Variants in MEGF9 observed in about 807,000 individuals in gnomAD.
MEGF9 encodes multiple epidermal growth factor-like domains protein 9.
A neutral mutation model predicts 46.8 loss-of-function variants in MEGF9; 6 were observed. The ratio of observed to expected loss-of-function variants is 0.13; its 90% CI spans 0.07 to 0.25. The LOEUF is 0.25. Among genes scored for constraint, MEGF9 ranks in the 10% least tolerant of loss-of-function variants. The probability of loss-of-function intolerance (pLI) is 1.00; values close to 1 mark genes in which losing one functional copy is unlikely to be tolerated. For missense variants in MEGF9, 683 were observed against 792.4 expected, an observed-to-expected ratio of 0.86 and a Z score of 1.66; for synonymous variants, 302 against 330.7, an observed-to-expected ratio of 0.91 and a Z score of 0.94.
chr9:120,636,911 G>A (rs189831183), intron 2 of MEGF9, among the ~76,000 whole-genome samples: 2,409 of 151,940 alleles, frequency 0.016, 40 homozygotes, highest in Non-Finnish European at 0.026. Context: ...CCCTCTGCCC[G>A]GCCGCCACCC....
chr9:120,677,244 T>C (rs1323521323), intron 1 of MEGF9, among the ~76,000 whole-genome samples: 1 of 151,932 alleles, frequency 6.6e-6, no homozygotes, highest in Non-Finnish European at 1.5e-5. Context: ...TCCTCCCACC[T>C]CAGCTTCCCA....
chr9:120,633,949 CTGATA>C (rs2043561283), intron 2 of MEGF9, among the ~76,000 whole-genome samples: 1 of 152,020 alleles, frequency 6.6e-6, no homozygotes, highest in Admixed American at 6.6e-5. Context: ...GAAAAGATAC[CTGATA>C]TAATATTAAT....
At chr9:120,673,882 A>T (rs1457615081) in intron 1 of MEGF9, among the ~76,000 whole-genome samples, 3 of 151,194 alleles carry the variant, frequency 2.0e-5, no homozygotes, top group Non-Finnish European at 2.9e-5. Flanking sequence ...AGACGGGAGA[A>T]TCACTTGAAC....
At chr9:120,613,826 CAA>C (rs2043459530) in intron 3 of MEGF9, among the ~76,000 whole-genome samples, 1 of 152,028 alleles carries the variant, frequency 6.6e-6, no homozygotes, top group South Asian at 2.1e-4. Context: ...TGACATTTTA[CAA>C]AGTAAGCTAA....
At chr9:120,670,957 C>T (rs1386091592) in intron 1 of MEGF9, among the ~76,000 whole-genome samples, 1 of 152,198 alleles carries the variant, frequency 6.6e-6, no homozygotes, top group East Asian at 1.9e-4. Flanking sequence ...AACAAAAATA[C>T]AGACTGCCTC....
At chr9:120,702,346 A>T (rs2043909334) in intron 1 of MEGF9, among the ~76,000 whole-genome samples, 1 of 152,210 alleles carries the variant, frequency 6.6e-6, no homozygotes, top group Non-Finnish European at 1.5e-5. Flanking sequence ...ATCTGACTTG[A>T]TCTTATATAA....
At chr9:120,614,396 T>A (rs958618977) in intron 3 of MEGF9, among the ~76,000 whole-genome samples, 2 of 152,214 alleles carry the variant, frequency 1.3e-5, no homozygotes, top group Non-Finnish European at 2.9e-5. Context: ...TAAATCAAAC[T>A]TGTATGTAAA....
rs149390071 is a variant in MEGF9 at position 120,608,247 on chromosome 9, TATTA to T, written c.1088-241_1088-238del. 7.6e-4 allele frequency among the ~76,000 whole-genome samples: 116 copies of T among 152,288 alleles called. 1 individual carries two copies. Among genetic ancestry groups the T allele is most frequent in the Non-Finnish European group, 1.5e-3 (99 of 68,032 alleles). On this transcript the variant is annotated intron_variant, in intron 4 of 5. Coordinates refer to ENST00000373930, the MANE Select transcript of MEGF9 (RefSeq NM_001080497.3). ...CTCTCTAGAGACATATAATAATCTC[TATTA>T]ATTAATTAAACTAATAATCTATAAT...
intron 1 of MEGF9, among the ~76,000 whole-genome samples, chr9:120,672,672 G>A (rs187228469): frequency 3.9e-5 from 6 of 152,170 alleles, no homozygotes; most frequent in African/African-American, 1.4e-4. Flanking sequence ...TAACATGAAA[G>A]CTTATGTAGA....
intron 1 of MEGF9, among the ~76,000 whole-genome samples, chr9:120,690,795 T>C (rs138699251): frequency 2.3e-4 from 35 of 152,138 alleles, no homozygotes; most frequent in Non-Finnish European, 3.2e-4. Flanking sequence ...TAGCTAAAAA[T>C]TAGGATAGGA....
intron 2 of MEGF9, among the ~76,000 whole-genome samples, chr9:120,635,868 C>A (rs1351468647): frequency 6.6e-6 from 1 of 152,116 alleles, no homozygotes; most frequent in Non-Finnish European, 1.5e-5. Flanking sequence ...TTGGTGGCAA[C>A]CTATTTCCAT....
At chr9:120,684,722 G>C (rs1233183410) in intron 1 of MEGF9, among the ~76,000 whole-genome samples, 3 of 152,080 alleles carry the variant, frequency 2.0e-5, no homozygotes, top group Admixed American at 6.5e-5. Flanking sequence ...GCCATTAGTG[G>C]AACTCAGCCA....
chr9:120,616,767 C>T (rs567267857), intron 3 of MEGF9, among the ~76,000 whole-genome samples: 2 of 151,510 alleles, frequency 1.3e-5, no homozygotes, highest in East Asian at 1.9e-4. Flanking sequence ...ACTAAGTTAC[C>T]TTAAGCAAAC....
intron 5 of MEGF9, among the ~76,000 whole-genome samples, chr9:120,606,052 A>C (rs544232513): frequency 9.3e-4 from 141 of 151,914 alleles, no homozygotes; most frequent in Non-Finnish European, 1.3e-3. Flanking sequence ...GGTGCCTGTA[A>C]TCCCAGCTAC....
intron 5 of MEGF9, among the ~76,000 whole-genome samples, chr9:120,607,072 A>G (rs2043423036): frequency 6.6e-6 from 1 of 152,188 alleles, no homozygotes; most frequent in Non-Finnish European, 1.5e-5. Flanking sequence ...CCATAGACCA[A>G]CTGTTCATCA....
intron 1 of MEGF9, among the ~76,000 whole-genome samples, chr9:120,686,962 T>A (rs1354542414): frequency 6.6e-6 from 1 of 151,322 alleles, no homozygotes; most frequent in Admixed American, 6.6e-5. Flanking sequence ...TGTGTGTGTG[T>A]GTATGTGTAT....
chr9:120,627,406 T>A (rs543443406), intron 2 of MEGF9, among the ~76,000 whole-genome samples: 52 of 152,344 alleles, frequency 3.4e-4, no homozygotes, highest in African/African-American at 1.3e-3. Flanking sequence ...AGGTATCACA[T>A]TATCAATTTT....
Position 120,714,430 on chromosome 9 carries a change from C to A in MEGF9, c.-72G>T. 1 of 1,184,174 alleles carries A rather than the reference C, an allele frequency of 8.4e-7. No homozygotes were observed. The highest frequency in any genetic ancestry group is 1.1e-6 in the Non-Finnish European group (1 of 939,140). The allele number at this position is 1,184,174 out of a possible 1,614,324, so 73.4% of individuals were successfully genotyped here. On this transcript the variant is annotated 5_prime_UTR_variant, in exon 1 of 6. Coordinates refer to ENST00000373930, the MANE Select transcript of MEGF9 (RefSeq NM_001080497.3). ...CGACCAAGGAAGCCTCCGCAACCGC[C>A]GCCGCCACCGCCACCGGGCGCACCA... is the stretch of plus-strand genomic sequence containing the variant.
intron 2 of MEGF9, among the ~76,000 whole-genome samples, chr9:120,643,036 T>C (rs892641650): frequency 1.6e-4 from 25 of 152,224 alleles, no homozygotes; most frequent in Admixed American, 1.3e-4. Flanking sequence ...TCCTATATAC[T>C]ATGTCAAAAT....
Sources: gnomAD v4.1 joint callset for allele counts (sites outside exome capture counted in the v4.1 genomes callset) on GRCh38, gnomAD v4.1.1 for gene constraint, MANE v1.5 for transcripts, NCBI Gene and HGNC (gene_info 2026-07-23, HGNC 2026-07-21) for gene names.